The following RANBP2 variants were observed in gnomAD, a reference collection of about 807,000 sequenced individuals.
RANBP2 encodes RAN binding protein 2, also known as E3 SUMO-protein ligase RanBP2.
RANBP2 carries 57 observed loss-of-function variants against 303.6 expected under a neutral mutation model. The ratio of observed to expected loss-of-function variants is 0.19; its 90% CI spans 0.15 to 0.23. RANBP2 has a LOEUF of 0.23. RANBP2 is among the 10% of genes least tolerant of loss of function. RANBP2 has a pLI of 1.00. For missense variants in RANBP2, 3,138 were observed against 3,780.8 expected (o/e 0.83, Z 4.46); for synonymous variants, 1,167 against 1,301.5 (o/e 0.90, Z 2.23).
chr2:109,164,914 A>G, the RANBP2 span, among the ~76,000 whole-genome samples: 1 of 152,202 alleles, frequency 6.6e-6, no homozygotes, highest in Non-Finnish European at 1.5e-5. Context: ...TCATGACACT[A>G]CAACTGGACC....
chr2:109,427,723 C>T, the RANBP2 span, among the ~76,000 whole-genome samples: 2 of 152,228 alleles, frequency 1.3e-5, no homozygotes, highest in African/African-American at 2.4e-5. Flanking sequence ...CTTGGTTCTA[C>T]CTGGGAGAAC....
the RANBP2 span, among the ~76,000 whole-genome samples, chr2:109,639,448 G>A: frequency 2.6e-5 from 4 of 151,728 alleles, no homozygotes; most frequent in Non-Finnish European, 5.9e-5. Context: ...GTGAAACCCC[G>A]TCTCTACTAA....
At chr2:108,826,293 T>G in the RANBP2 span, among the ~76,000 whole-genome samples, 631 of 152,286 alleles carry the variant, frequency 4.1e-3, 3 homozygotes, top group Non-Finnish European at 6.1e-3. Flanking sequence ...TTTCTTTGCT[T>G]GTATGTTTTG....
chr2:108,941,447 G>T, the RANBP2 span, among the ~76,000 whole-genome samples: 1 of 152,124 alleles, frequency 6.6e-6, no homozygotes, highest in Admixed American at 6.5e-5. Flanking sequence ...CAAGGCGGAG[G>T]CACTGAGCTT....
the RANBP2 span, among the ~76,000 whole-genome samples, chr2:109,716,564 GA>G: frequency 5.4e-5 from 8 of 148,004 alleles, no homozygotes; most frequent in East Asian, 1.4e-3. Flanking sequence ...TTTATTTTTT[GA>G]GACAGGGTCT....
the RANBP2 span, among the ~76,000 whole-genome samples, chr2:109,338,820 AGT>A: frequency 3.5e-4 from 54 of 152,258 alleles, no homozygotes; most frequent in African/African-American, 1.1e-3. Context: ...GGCCTCCCAA[AGT>A]GTGTGAGCCA....
chr2:109,063,847 T>A, the RANBP2 span, among the ~76,000 whole-genome samples: 1 of 152,086 alleles, frequency 6.6e-6, no homozygotes, highest in African/African-American at 2.4e-5. Context: ...GCAAAGAGAT[T>A]TTTTTCCCCT....
chr2:109,118,014 C>T, the RANBP2 span, among the ~76,000 whole-genome samples: 2 of 152,098 alleles, frequency 1.3e-5, no homozygotes, highest in Non-Finnish European at 2.9e-5. Context: ...GTTGCGCCAC[C>T]CTGGTGCTCA....
the RANBP2 span, among the ~76,000 whole-genome samples, chr2:108,844,447 A>G: frequency 2.0e-5 from 3 of 151,818 alleles, no homozygotes; most frequent in Non-Finnish European, 4.4e-5. Context: ...CTTCGATGAG[A>G]TTTTCTAAAA....
At chr2:109,108,509 A>G in the RANBP2 span, among the ~76,000 whole-genome samples, 1 of 152,240 alleles carries the variant, frequency 6.6e-6, no homozygotes, top group Admixed American at 6.5e-5. Flanking sequence ...TGTGGAGCCA[A>G]CCTCTGCAGT....
chr2:108,797,084 T>C, the RANBP2 span, among the ~76,000 whole-genome samples: 2 of 152,318 alleles, frequency 1.3e-5, no homozygotes, highest in Middle Eastern at 3.4e-3. Context: ...GTGAGAAAGA[T>C]CTGAGCAGTT....
the RANBP2 span, among the ~76,000 whole-genome samples, chr2:108,932,277 C>A: frequency 6.6e-6 from 1 of 151,854 alleles, no homozygotes; most frequent in Non-Finnish European, 1.5e-5. Context: ...ACCTGTAATC[C>A]CAGCACTTTG....
At chr2:108,938,237 AACCAGTG>A in the RANBP2 span, among the ~76,000 whole-genome samples, 1 of 152,214 alleles carries the variant, frequency 6.6e-6, no homozygotes. Context: ...CCTACATATA[AACCAGTG>A]ACGATGATAA....
chr2:109,248,770 T>G, the RANBP2 span, among the ~76,000 whole-genome samples: 1 of 151,176 alleles, frequency 6.6e-6, no homozygotes, highest in Non-Finnish European at 1.5e-5. Context: ...CTCTCTCTCT[T>G]TCTCTTCTTT....
the RANBP2 span, among the ~76,000 whole-genome samples, chr2:108,926,593 G>A: frequency 1.4e-4 from 22 of 152,308 alleles, no homozygotes; most frequent in East Asian, 9.6e-4. Flanking sequence ...GAGCTCCTCC[G>A]GGGTGAGGCC....
At chr2:109,092,417 A>T in the RANBP2 span, among the ~76,000 whole-genome samples, 1 of 152,182 alleles carries the variant, frequency 6.6e-6, no homozygotes, top group Non-Finnish European at 1.5e-5. Context: ...TGGGTGCTGA[A>T]TGAGGTGACT....
At chr2:109,363,724 T>A in the RANBP2 span, among the ~76,000 whole-genome samples, 1 of 152,218 alleles carries the variant, frequency 6.6e-6, no homozygotes, top group Admixed American at 6.5e-5. Context: ...AAGGATAATT[T>A]CACAGGTACA....
chr2:109,627,550 C>A, the RANBP2 span, among the ~76,000 whole-genome samples: 2 of 152,208 alleles, frequency 1.3e-5, no homozygotes, highest in Non-Finnish European at 2.9e-5. Flanking sequence ...CACATACATT[C>A]TGTATATATA....
At chr2:109,501,590 T>G in the RANBP2 span, 2 of 779,466 alleles carry the variant, frequency 2.6e-6, no homozygotes, top group Middle Eastern at 2.2e-4. Context: ...ACAAGAAGCG[T>G]GAGGACGGCT....
Sources: gnomAD v4.1 joint callset for allele counts (sites outside exome capture counted in the v4.1 genomes callset) on GRCh38, gnomAD v4.1.1 for gene constraint, MANE v1.5 for transcripts, NCBI Gene and HGNC (gene_info 2026-07-23, HGNC 2026-07-21) for gene names.